Variants in UNK observed in about 807,000 individuals in gnomAD.
UNK encodes RING finger protein unkempt homolog.
UNK carries 32 observed loss-of-function variants against 97.6 expected under a neutral mutation model. The ratio of observed to expected loss-of-function variants is 0.33; its 90% CI spans 0.25 to 0.44. The LOEUF (loss-of-function observed/expected upper bound fraction) is 0.44. Among genes scored for constraint, UNK ranks in the 20% least tolerant of loss-of-function variants. The pLI, the probability that UNK is intolerant of heterozygous loss-of-function variation, is 1.00. For missense variants in UNK, 771 were observed against 1,098.4 expected (o/e 0.70, Z 4.21); for synonymous variants, 441 against 461.2 (o/e 0.96, Z 0.56).
In UNK at chr17:75,818,689, C is replaced by A; in HGVS notation, c.1419C>A (p.Ile473=). Reference sequence around the variant, plus strand: ...CAGGCAGCCCCCTGACCTCAAGCATCTCTTCTAGTATCACCTCCAGCCTGG... The same window carrying A: ...CAGGCAGCCCCCTGACCTCAAGCATATCTTCTAGTATCACCTCCAGCCTGG... ...LPAGSPLTSS[I]SSSITSSLAA... The change falls in exon 11 of 16, where the codon ATC becomes ATA. Residue 473 remains isoleucine, a synonymous_variant. Transcript: ENST00000589666. This position sits in a 1 kb window ranked among gnomAD's most constrained non-coding sequence, Gnocchi z 5.1. 1 of 1,611,162 alleles carries A rather than the reference C, an allele frequency of 6.2e-7. No individual in the cohort carries two copies. The highest frequency in any genetic ancestry group is 8.5e-7 in the Non-Finnish European group (1 of 1,178,364).
intron 1 of UNK, chr17:75,793,724 A>G (rs2061781644): frequency 1.0e-6 from 1 of 985,226 alleles, no homozygotes; most frequent in Non-Finnish European, 1.2e-6. Context: ...TCCTGTTAGC[A>G]TTTGAAACAC....
intron 1 of UNK, 48 bp from the exon 2 acceptor site, chr17:75,809,712 A>G (rs766567459): frequency 6.5e-7 from 1 of 1,549,380 alleles, no homozygotes; most frequent in Non-Finnish European, 8.7e-7. Context: ...GAAGCAAGAG[A>G]CTTCATTCTC....
intron 4 of UNK, 62 bp from the exon 5 acceptor site, chr17:75,813,016 T>G (rs1275292597): frequency 6.5e-5 from 99 of 1,514,536 alleles, no homozygotes; most frequent in South Asian, 6.2e-5. Flanking sequence ...ACTCCAGTCC[T>G]GCTAGTCTTG....
intron 1 of UNK, among the ~76,000 whole-genome samples, chr17:75,808,643 T>G (rs1053189934): frequency 6.6e-6 from 1 of 152,194 alleles, no homozygotes; most frequent in African/African-American, 2.4e-5. Flanking sequence ...GATTGACTTC[T>G]GTTCCCTTCA....
rs1333552444 is a variant in UNK, at chr17:75,802,991, G to A, written c.105-6769G>A. On this transcript the variant is annotated intron_variant, in intron 1 of 15. Coordinates refer to ENST00000589666, the MANE Select transcript of UNK (RefSeq NM_001080419.3). Reference sequence around the variant, plus strand: ...AATACAAAAATTACAGGCCGGACGCGGTGGCTCACACCTGTAATCCCAGCA... The same window carrying A: ...AATACAAAAATTACAGGCCGGACGCAGTGGCTCACACCTGTAATCCCAGCA... Among the ~76,000 whole-genome samples, 4 of 90,176 alleles carry A rather than the reference G, an allele frequency of 4.4e-5. No individual in the cohort carries two copies. The East Asian group carries it at 1.2e-3, about 27-fold the overall frequency. The allele number at this position is 90,176 out of a possible 152,430, so 59.2% of individuals were successfully genotyped here.
In UNK at chr17:75,816,497, C is replaced by A. The variant is rs2143801610; in HGVS notation, c.962-273C>A. On this transcript the variant is annotated intron_variant, in intron 7 of 15. Transcript: ENST00000589666. The surrounding 1 kb of genome is among the most constrained non-coding windows in gnomAD (Gnocchi z 4.0). ...AGCTCTGTCACTTTGGTGGGTTTAC[C>A]TTACCTCTCTGAGCCTCAGTTTTCT... Among the ~76,000 whole-genome samples the A allele has an allele frequency of 6.6e-6, 1 of 152,272 alleles. No homozygotes were observed. Among genetic ancestry groups the A allele is most frequent in the East Asian group, 1.9e-4 (1 of 5,188 alleles).
At chr17:75,810,255 G>C (rs563636105) in intron 2 of UNK, among the ~76,000 whole-genome samples, 36 of 152,318 alleles carry the variant, frequency 2.4e-4, no homozygotes, top group African/African-American at 8.7e-4. Context: ...TCCTCCCCTG[G>C]GGATCACATC....
At chr17:75,787,942 C>T (rs1000168647) in intron 1 of UNK, among the ~76,000 whole-genome samples, 1 of 152,066 alleles carries the variant, frequency 6.6e-6, no homozygotes, top group Non-Finnish European at 1.5e-5. Context: ...CACATACCAC[C>T]ATACCTGCTT....
At chr17:75,812,001 AAACAAAC>A (rs1042066455) in intron 2 of UNK, 104 bp from the exon 3 acceptor site, 13 of 1,346,800 alleles carry the variant, frequency 9.7e-6, no homozygotes, top group African/African-American at 7.6e-5. Context: ...AAAACAAAAC[AAACAAAC>A]AACAACAACA....
intron 5 of UNK, 69 bp downstream of exon 5, chr17:75,813,282 T>C: frequency 6.7e-7 from 1 of 1,495,770 alleles, no homozygotes; most frequent in South Asian, 1.3e-5. Context: ...CAGAGGCTGC[T>C]CCCACTGGCT....
chr17:75,814,140 G>A (rs2061995495), intron 6 of UNK, among the ~76,000 whole-genome samples: 1 of 129,658 alleles, frequency 7.7e-6, no homozygotes, highest in Non-Finnish European at 1.7e-5. Flanking sequence ...GGTGTAGATG[G>A]AGTGTGGCGA....
At position 75,818,588 on chromosome 17, in the gene UNK, T is replaced by C; in HGVS notation, c.1372-54T>C. The C allele has an allele frequency of 6.5e-7, 1 of 1,528,350 alleles. No individual in the cohort carries two copies. Among genetic ancestry groups the C allele is most frequent in the South Asian group, 1.3e-5 (1 of 79,664 alleles). The allele number at this position is 1,528,350 out of a possible 1,614,324, so 94.7% of individuals were successfully genotyped here. ...CCAGCCCCTCTCCAGCCTCTCGTCC[T>C]GGCCTCCGTATGCAGGCCTACCATT... is the stretch of plus-strand genomic sequence containing the variant. On this transcript the variant is annotated intron_variant, in intron 10 of 15. Transcript: ENST00000589666. This position sits in a 1 kb window ranked among gnomAD's most constrained non-coding sequence, Gnocchi z 5.1.
At chr17:75,814,478 C>T (rs1291268980) in intron 6 of UNK, among the ~76,000 whole-genome samples, 8 of 108,536 alleles carry the variant, frequency 7.4e-5, no homozygotes, top group South Asian at 3.2e-4. Context: ...GGTGACAGAG[C>T]GAGACTCCAT....
chr17:75,784,850 G>C lies in UNK; in HGVS notation c.-31G>C. The C allele has an allele frequency of 6.2e-7, 1 of 1,600,532 alleles. No individual in the cohort carries two copies. The highest frequency in any genetic ancestry group is 1.1e-5 in the South Asian group (1 of 90,484). ...GACCGCGCAGACTGAATAATAAAAG[G>C]GGAGCGGCGAAGAGGCAGGAAGACA... On this transcript the variant is annotated 5_prime_UTR_variant, in exon 1 of 16. Coordinates refer to ENST00000589666, the MANE Select transcript of UNK (RefSeq NM_001080419.3).
chr17:75,820,011 C>T lies in UNK; in HGVS notation c.1740C>T (p.Pro580=), dbSNP rs764941228. The change falls in exon 13 of 16, where the codon CCC becomes CCT. Residue 580 remains proline (P), a synonymous_variant. Transcript: ENST00000589666. ...ASFHSASPSP[P]VSLSSHFLQQ... The stretch of plus-strand genomic sequence containing the variant: ...TCCACTCAGCATCCCCGTCCCCTCC[C>T]GTCAGCCTCTCCTCGCATTTCCTGC... The T allele has an allele frequency of 8.7e-6, 14 of 1,613,916 alleles. No individual in the cohort carries two copies. Among genetic ancestry groups the T allele is most frequent in the East Asian group, 2.2e-5 (1 of 44,896 alleles).
chr17:75,805,665 G>A (rs1001080717), intron 1 of UNK, among the ~76,000 whole-genome samples: 7 of 151,616 alleles, frequency 4.6e-5, no homozygotes, highest in African/African-American at 2.4e-5. Context: ...TGGGCATGGG[G>A]GCACGCGCCT....
intron 1 of UNK, chr17:75,794,230 A>T: frequency 1.1e-6 from 1 of 936,874 alleles, no homozygotes; most frequent in Non-Finnish European, 1.3e-6. Context: ...AACTTATTTT[A>T]TGGTATTGTA....
At chr17:75,806,300 A>C (rs1291795769) in intron 1 of UNK, among the ~76,000 whole-genome samples, 2 of 118,998 alleles carry the variant, frequency 1.7e-5, no homozygotes, top group Admixed American at 1.6e-4. Flanking sequence ...TAAAAATACA[A>C]AAAAAAAAAT....
intron 1 of UNK, among the ~76,000 whole-genome samples, chr17:75,795,581 C>T (rs1255511772): frequency 2.0e-5 from 3 of 152,120 alleles, no homozygotes; most frequent in Admixed American, 2.0e-4. Flanking sequence ...CTCGAGTGAT[C>T]TGCCCGTCTT....
Sources: allele counts gnomAD v4.1 joint callset (sites outside exome capture counted in the v4.1 genomes callset), GRCh38; gene constraint gnomAD v4.1.1; non-coding constraint Gnocchi (gnomAD v3.1); transcripts MANE v1.5; gene names NCBI Gene and HGNC (gene_info 2026-07-23, HGNC 2026-07-21).